The following ADAM32 variants were observed in gnomAD, a reference collection of about 807,000 sequenced individuals.
ADAM32 encodes the protein disintegrin and metalloproteinase domain-containing protein 32.
ADAM32 carries 89 observed loss-of-function variants against 114.9 expected under a neutral mutation model. The observed-to-expected ratio is 0.77, with a 90% confidence interval of 0.65 to 0.92. The LOEUF is 0.92. Among genes scored for constraint, ADAM32 ranks in the 40% least tolerant of loss-of-function variants. The pLI, the probability that ADAM32 is intolerant of heterozygous loss-of-function variation, is 0.00. For missense variants in ADAM32, 870 were observed against 932.8 expected (o/e 0.93, Z 0.88); for synonymous variants, 285 against 307.5 (o/e 0.93, Z 0.77).
chr8:39,121,448 C>CG (rs1564435833), intron 2 of ADAM32, among the ~76,000 whole-genome samples: 1 of 146,494 alleles, frequency 6.8e-6, no homozygotes, highest in African/African-American at 2.5e-5. Context: ...TGGGGCCAGT[C>CG]GGGGGGTGGA....
intron 12 of ADAM32, among the ~76,000 whole-genome samples, chr8:39,216,319 C>G (rs1249033553): frequency 6.6e-6 from 1 of 151,944 alleles, no homozygotes; most frequent in Non-Finnish European, 1.5e-5. Flanking sequence ...TTGTAAGCAA[C>G]AGATCATTAA....
chr8:39,126,896 C>T (rs1269910679), intron 2 of ADAM32, among the ~76,000 whole-genome samples: 1 of 152,126 alleles, frequency 6.6e-6, no homozygotes, highest in Admixed American at 6.6e-5. Context: ...TGAATTTTAT[C>T]AAAGGCCTTT....
intron 16 of ADAM32, among the ~76,000 whole-genome samples, chr8:39,234,972 T>A (rs1486910323): frequency 6.6e-6 from 1 of 152,168 alleles, no homozygotes; most frequent in Admixed American, 6.6e-5. Flanking sequence ...CATATATGTG[T>A]ATACTGTTAC....
chr8:39,191,909 C>T (rs1806638722), intron 11 of ADAM32, among the ~76,000 whole-genome samples: 1 of 152,092 alleles, frequency 6.6e-6, no homozygotes, highest in Non-Finnish European at 1.5e-5. Flanking sequence ...TTTAATCAAT[C>T]TTGAGTTGAT....
At chr8:39,217,752 AT>A (rs1366500947) in intron 12 of ADAM32, among the ~76,000 whole-genome samples, 1 of 152,154 alleles carries the variant, frequency 6.6e-6, no homozygotes, top group Non-Finnish European at 1.5e-5. Context: ...ATCTGATAGA[AT>A]TTTGAATTCC....
chr8:39,182,723 C>T (rs1429674659), intron 10 of ADAM32, among the ~76,000 whole-genome samples: 1 of 152,214 alleles, frequency 6.6e-6, no homozygotes, highest in African/African-American at 2.4e-5. Flanking sequence ...ATCCTTTCTT[C>T]TGGGTACACT....
intron 20 of ADAM32, among the ~76,000 whole-genome samples, chr8:39,273,627 T>C (rs1812884715): frequency 6.6e-6 from 1 of 152,226 alleles, no homozygotes; most frequent in African/African-American, 2.4e-5. Flanking sequence ...TGTACATAAT[T>C]GTATGTGATG....
intron 11 of ADAM32, among the ~76,000 whole-genome samples, chr8:39,200,360 C>G (rs1807315205): frequency 6.6e-6 from 1 of 152,218 alleles, no homozygotes; most frequent in African/African-American, 2.4e-5. Context: ...ATTTGCATTT[C>G]TCTGATAGCC....
intron 12 of ADAM32, among the ~76,000 whole-genome samples, chr8:39,214,565 C>G (rs1808439626): frequency 6.6e-6 from 1 of 151,966 alleles, no homozygotes; most frequent in Non-Finnish European, 1.5e-5. Context: ...GTTGTTTGAG[C>G]TCCTTTTATG....
intron 10 of ADAM32, among the ~76,000 whole-genome samples, chr8:39,170,639 CA>C (rs1277362276): frequency 2.6e-5 from 4 of 151,736 alleles, no homozygotes; most frequent in Admixed American, 2.0e-4. Context: ...TATATAGGAA[CA>C]TATAAGAAAA....
At chr8:39,136,980 C>T (rs1802844886) in intron 3 of ADAM32, among the ~76,000 whole-genome samples, 2 of 152,242 alleles carry the variant, frequency 1.3e-5, no homozygotes, top group South Asian at 4.2e-4. Flanking sequence ...ACCAGCAGGA[C>T]CTATATCATC....
chr8:39,136,790 A>G, intron 3 of ADAM32, 72 bp downstream of exon 3: 1 of 1,020,030 alleles, frequency 9.8e-7, no homozygotes, highest in Non-Finnish European at 1.4e-6. Context: ...TAGAAAATGG[A>G]GTATGAGAAA....
Position 39,284,867 on chromosome 8 carries a change from T to G in ADAM32, c.*68T>G, listed in dbSNP as rs1487040379. The G allele has an allele frequency of 1.3e-6, 2 of 1,576,634 alleles. No individual in the cohort carries two copies. Among genetic ancestry groups the G allele is most frequent in the Non-Finnish European group, 1.7e-6 (2 of 1,147,784 alleles). The stretch of plus-strand genomic sequence containing the variant: ...AAGAAATGAAAATTCTGTCTTTCCT[T>G]CCGTGGTCACAGCTGAAAGAAACAA... On this transcript the variant is annotated 3_prime_UTR_variant, in exon 25 of 25. Coordinates refer to ENST00000379907, the MANE Select transcript of ADAM32 (RefSeq NM_145004.7).
At chr8:39,284,278 A>G (rs1011716392) in intron 24 of ADAM32, among the ~76,000 whole-genome samples, 2 of 152,216 alleles carry the variant, frequency 1.3e-5, no homozygotes, top group East Asian at 3.9e-4. Context: ...TGTAATCAGG[A>G]CCATTTTATT....
rs1338015285 is a variant in ADAM32, at chr8:39,186,916, A to G, written c.923A>G (p.Lys308Arg). The G allele has an allele frequency of 2.5e-6, 4 of 1,608,202 alleles. No individual in the cohort carries two copies. Among genetic ancestry groups the G allele is most frequent in the Admixed American group, 3.4e-5 (2 of 59,284 alleles). ...TCTTTGTTGTTATTATAGTACCCCA[A>G]GGAGATAACTCTGGAGGCATTTGCA... ...RYSAGVALYP[K>R]EITLEAFAVI... Residue 308 changes from lysine (K) to arginine (R), a missense_variant, in exon 11 of 25, where the codon AAG becomes AGG. Lys to Arg is a conservative substitution (Grantham distance 26). Transcript: ENST00000379907.
At position 39,165,210 on chromosome 8, in the gene ADAM32, T is replaced by G. The variant is rs1804754233; in HGVS notation, c.833+14T>G. 1 of 1,451,622 alleles carries G rather than the reference T, an allele frequency of 6.9e-7. No homozygotes were observed. Among genetic ancestry groups the G allele is most frequent in the Non-Finnish European group, 9.3e-7 (1 of 1,079,038 alleles). The allele number at this position is 1,451,622 out of a possible 1,614,324, so 89.9% of individuals were successfully genotyped here. ...ATATCTACTAATGTAAGAATAATGTTTCATTATTCCTAGAAAGAAAACAAA... is the reference window on the plus strand; with the variant it reads ...ATATCTACTAATGTAAGAATAATGTGTCATTATTCCTAGAAAGAAAACAAA... On this transcript the variant is annotated intron_variant, in intron 9 of 24. Coordinates refer to ENST00000379907, the MANE Select transcript of ADAM32 (RefSeq NM_145004.7).
At chr8:39,196,206 A>G (rs1363923396) in intron 11 of ADAM32, among the ~76,000 whole-genome samples, 1 of 152,070 alleles carries the variant, frequency 6.6e-6, no homozygotes, top group East Asian at 1.9e-4. Context: ...CTGCAATTTT[A>G]CTGAATTTGT....
chr8:39,217,480 A>G (rs1263462328), intron 12 of ADAM32, among the ~76,000 whole-genome samples: 1 of 151,804 alleles, frequency 6.6e-6, no homozygotes, highest in Non-Finnish European at 1.5e-5. Flanking sequence ...CCTCCTCTTT[A>G]AGGCCAATAA....
intron 11 of ADAM32, among the ~76,000 whole-genome samples, chr8:39,201,568 T>G (rs1807413234): frequency 6.6e-6 from 1 of 152,222 alleles, no homozygotes. Context: ...TCACGTCATC[T>G]GCAAACAGGG....
Sources: allele counts gnomAD v4.1 joint callset (sites outside exome capture counted in the v4.1 genomes callset), GRCh38; gene constraint gnomAD v4.1.1; transcripts MANE v1.5; gene names NCBI Gene and HGNC (gene_info 2026-07-23, HGNC 2026-07-21).